Variants in SNTG2 observed in about 807,000 individuals in gnomAD.
The protein encoded by SNTG2 is syntrophin gamma 2, also known as gamma-2-syntrophin.
A neutral mutation model predicts 70.9 loss-of-function variants in SNTG2; 74 were observed. That is an observed-to-expected ratio of 1.04 (90% CI 0.86 to 1.27). The LOEUF (loss-of-function observed/expected upper bound fraction) is 1.27. SNTG2 is among the 50% of genes most tolerant of loss of function. SNTG2 has a pLI of 0.00. For missense variants in SNTG2, 717 were observed against 690.7 expected (o/e 1.04, Z -0.43); for synonymous variants, 278 against 273.8 (o/e 1.02, Z -0.15).
chr2:1,243,159 C>A (rs1394851303), intron 11 of SNTG2, among the ~76,000 whole-genome samples: 1 of 152,176 alleles, frequency 6.6e-6, no homozygotes. Context: ...AGATTACTGG[C>A]GGTCTATTAT....
intron 8 of SNTG2, among the ~76,000 whole-genome samples, chr2:1,178,934 G>GGACTCT (rs1671671992): frequency 6.6e-6 from 1 of 151,926 alleles, no homozygotes; most frequent in Admixed American, 6.6e-5. Context: ...ATCTGGTCCT[G>GGACTCT]GACTCTTTTT....
At chr2:1,137,125 C>G (rs568207843) in intron 4 of SNTG2, among the ~76,000 whole-genome samples, 6 of 152,206 alleles carry the variant, frequency 3.9e-5, no homozygotes, top group Non-Finnish European at 8.8e-5. Context: ...TATGAAGAGG[C>G]CAATCTAGCT....
chr2:1,137,727 C>G, intron 5 of SNTG2, 41 bp from the exon 6 acceptor site: 1 of 1,612,908 alleles, frequency 6.2e-7, no homozygotes, highest in Non-Finnish European at 8.5e-7. Flanking sequence ...TTGTATTAAT[C>G]AATCGTTATT....
At chr2:1,017,562 TAC>T (rs1027401714) in intron 1 of SNTG2, among the ~76,000 whole-genome samples, 2 of 150,516 alleles carry the variant, frequency 1.3e-5, no homozygotes, top group African/African-American at 4.9e-5. Context: ...CACACACACA[TAC>T]ACACATGCAC....
intron 16 of SNTG2, among the ~76,000 whole-genome samples, chr2:1,336,798 A>ATTCTGTTTTTGTCTATAT (rs367638443): frequency 0.066 from 10,003 of 152,000 alleles, 434 homozygotes; most frequent in Non-Finnish European, 0.099. Context: ...TGGGGTCTCA[A>ATTCTGTTTTTGTCTATAT]TTCTGTTTTT....
At chr2:1,322,735 TC>T (rs1426480274) in intron 16 of SNTG2, among the ~76,000 whole-genome samples, 2 of 151,824 alleles carry the variant, frequency 1.3e-5, no homozygotes, top group African/African-American at 4.8e-5. Flanking sequence ...TCTTGGAGGC[TC>T]CCCTCTACTG....
At chr2:1,235,515 C>A (rs1224063359) in intron 9 of SNTG2, among the ~76,000 whole-genome samples, 2 of 48,818 alleles carry the variant, frequency 4.1e-5, no homozygotes, top group Non-Finnish European at 7.7e-5. Flanking sequence ...GAGAGGGGGG[C>A]CCCTGCCCCA....
rs1680811232 is a variant in SNTG2, at chr2:1,308,414, G to A, written c.1285-80G>A. 12 of 1,271,062 alleles carry A rather than the reference G, an allele frequency of 9.4e-6. No homozygotes were observed. In the East Asian group the frequency reaches 3.0e-4, roughly 32 times the overall value. 78.7% of individuals were successfully genotyped at this position (1,271,062 alleles called of 1,614,324 possible). On this transcript the variant is annotated intron_variant, in intron 14 of 16. Coordinates refer to ENST00000308624, the MANE Select transcript of SNTG2 (RefSeq NM_018968.4). ...CATTTTATAATTTTTGACCAAAGGG[G>A]GGTTAATATGGAGACTACCTAATTA...
intron 8 of SNTG2, among the ~76,000 whole-genome samples, chr2:1,207,628 C>T (rs1314790717): frequency 6.6e-6 from 1 of 152,092 alleles, no homozygotes; most frequent in African/African-American, 2.4e-5. Context: ...AAAAATAAAT[C>T]ACACACTCTT....
Position 1,333,238 on chromosome 2 carries a change from A to G in SNTG2, c.1488+16863A>G, listed in dbSNP as rs541006160. On this transcript the variant is annotated intron_variant, in intron 16 of 16. Coordinates refer to ENST00000308624, the MANE Select transcript of SNTG2 (RefSeq NM_018968.4). Reference sequence around the variant, plus strand: ...AAGTAAAATATTTAGGAATATACCTAACCAAGGAGGTGAAAAATCCCTACA... The same window carrying G: ...AAGTAAAATATTTAGGAATATACCTGACCAAGGAGGTGAAAAATCCCTACA... 2.8e-4 allele frequency among the ~76,000 whole-genome samples: 42 copies of G among 152,336 alleles called. No individual in the cohort carries two copies. In the South Asian group the frequency reaches 8.5e-3, roughly 31 times the overall value.
chr2:966,959 AAACAAAC>A (rs756912865), intron 1 of SNTG2, among the ~76,000 whole-genome samples: 160 of 131,442 alleles, frequency 1.2e-3, no homozygotes, highest in Middle Eastern at 4.5e-3. Context: ...ACAAACAAAC[AAACAAAC>A]AAAAAAACAA....
chr2:1,029,531 T>A (rs1435804577), intron 1 of SNTG2, among the ~76,000 whole-genome samples: 2 of 152,246 alleles, frequency 1.3e-5, no homozygotes, highest in Non-Finnish European at 2.9e-5. Flanking sequence ...TTGGTCATTG[T>A]AGAAGTTTCC....
At chr2:1,075,179 A>C (rs1663836746) in intron 1 of SNTG2, among the ~76,000 whole-genome samples, 1 of 152,186 alleles carries the variant, frequency 6.6e-6, no homozygotes, top group South Asian at 2.1e-4. Flanking sequence ...TTAAACAGAC[A>C]CATGTGTGCA....
chr2:1,078,579 C>T (rs1350728100), intron 1 of SNTG2, among the ~76,000 whole-genome samples: 1 of 152,074 alleles, frequency 6.6e-6, no homozygotes, highest in Admixed American at 6.5e-5. Context: ...CTGCAGGTGC[C>T]GGCCTCACAG....
chr2:1,117,513 T>C lies in SNTG2; in HGVS notation c.325+19103T>C, dbSNP rs182835027. On this transcript the variant is annotated intron_variant, in intron 4 of 16. Coordinates refer to ENST00000308624, the MANE Select transcript of SNTG2 (RefSeq NM_018968.4). ...GGCGTGCAGGGCAGGCACGGCCTCC[T>C]GCCCCTGGGGAGCTGGAGCCCTCAC... is the stretch of plus-strand genomic sequence containing the variant. Among the ~76,000 whole-genome samples the C allele has an allele frequency of 2.6e-3, 401 of 152,288 alleles. 1 individual carries two copies. Among genetic ancestry groups the C allele is most frequent in the African/African-American group, 9.3e-3 (385 of 41,560 alleles).
intron 2 of SNTG2, among the ~76,000 whole-genome samples, chr2:1,093,361 A>G (rs571766772): frequency 5.9e-5 from 9 of 152,186 alleles, no homozygotes; most frequent in Non-Finnish European, 1.0e-4. Flanking sequence ...TAAAGTGATC[A>G]GCTGTGGGTT....
intron 1 of SNTG2, among the ~76,000 whole-genome samples, chr2:963,125 G>A (rs1235856250): frequency 1.3e-5 from 2 of 151,446 alleles, no homozygotes; most frequent in East Asian, 3.9e-4. Context: ...ACTATGATTT[G>A]AGCTTTTTTT....
rs59679083 is a variant in SNTG2 at position 1,266,751 on chromosome 2, C to CTTTTTTTTTTTTTTTTTTTTTT, written c.1078-600_1078-599insTTTTTTTTTTTTTTTTTTTTTT. 8.4e-5 allele frequency among the ~76,000 whole-genome samples: 9 copies of CTTTTTTTTTTTTTTTTTTTTTT among 107,776 alleles called. 1 individual carries two copies. The highest frequency in any genetic ancestry group is 1.2e-4 in the Non-Finnish European group (7 of 57,958). 70.7% of individuals were successfully genotyped at this position (107,776 alleles called of 152,430 possible). On this transcript the variant is annotated intron_variant, in intron 13 of 16. Coordinates refer to ENST00000308624, the MANE Select transcript of SNTG2 (RefSeq NM_018968.4). ...AATGTCTCAAGACTTTCATCTTTAT[C>CTTTTTTTTTTTTTTTTTTTTTT]TTTTTTTTTTTTTTCTTGAGACAGG...
intron 6 of SNTG2, among the ~76,000 whole-genome samples, chr2:1,158,027 T>A (rs1670017875): frequency 6.6e-6 from 1 of 152,206 alleles, no homozygotes; most frequent in South Asian, 2.1e-4. Flanking sequence ...CCTGTAGACA[T>A]GCCTAGCAGC....
Sources: gnomAD v4.1 joint callset for allele counts (sites outside exome capture counted in the v4.1 genomes callset) on GRCh38, gnomAD v4.1.1 for gene constraint, MANE v1.5 for transcripts, NCBI Gene and HGNC (gene_info 2026-07-23, HGNC 2026-07-21) for gene names.